Variants in HAL observed in about 807,000 individuals in gnomAD.
HAL encodes the protein histidine ammonia-lyase.
A neutral mutation model predicts 81.1 loss-of-function variants in HAL; 85 were observed. That is an observed-to-expected ratio of 1.05 (90% CI 0.88 to 1.25). The LOEUF is 1.25. Among genes scored for constraint, HAL ranks in the 50% most tolerant of loss-of-function variants. The pLI, the probability that HAL is intolerant of heterozygous loss-of-function variation, is 0.00. For missense variants in HAL, 798 were observed against 836.6 expected, an observed-to-expected ratio of 0.95 and a Z score of 0.57; for synonymous variants, 301 against 309.2, an observed-to-expected ratio of 0.97 and a Z score of 0.28.
At chr12:95,995,130 T>A in intron 2 of HAL, 137 bp from the exon 3 acceptor site, 2 of 739,376 alleles carry the variant, frequency 2.7e-6, no homozygotes, top group Non-Finnish European at 4.9e-6. Context: ...GATGGTTTCA[T>A]GTGGTCTTAG....
Position 95,973,407 on chromosome 12 carries a change from C to T in HAL, c.*825G>A, listed in dbSNP as rs1191721327. 2 of 151,960 alleles carry T rather than the reference C, an allele frequency of 1.3e-5. No homozygotes were observed. The highest frequency in any genetic ancestry group is 4.8e-5 in the African/African-American group (2 of 41,338). The allele number at this position is 151,960 out of a possible 1,614,324, so 9.4% of individuals were successfully genotyped here. ...ATTACAGAAAGGAGGTTGGTTAATC[C>T]CCAAAGATTCCTTATCTGTGAAATG... On this transcript the variant is annotated 3_prime_UTR_variant, in exon 21 of 21. Coordinates refer to ENST00000261208, the MANE Select transcript of HAL (RefSeq NM_002108.4).
intron 14 of HAL, among the ~76,000 whole-genome samples, chr12:95,984,335 T>G (rs1169789968): frequency 2.0e-5 from 3 of 152,178 alleles, no homozygotes; most frequent in Non-Finnish European, 4.4e-5. Context: ...GGTTTATAGT[T>G]AAAAGATAGG....
intron 15 of HAL, among the ~76,000 whole-genome samples, chr12:95,982,168 C>G (rs1255190252): frequency 6.6e-6 from 1 of 152,192 alleles, no homozygotes; most frequent in Non-Finnish European, 1.5e-5. Context: ...TAGAATTTAA[C>G]TCCCATAATA....
At chr12:95,985,359 T>A (rs940718199) in intron 14 of HAL, among the ~76,000 whole-genome samples, 1 of 152,074 alleles carries the variant, frequency 6.6e-6, no homozygotes, top group Non-Finnish European at 1.5e-5. Flanking sequence ...TTTGGGAGGC[T>A]GAGGCAGGTG....
chr12:95,986,226 T>C (rs754219859), intron 12 of HAL, 66 bp from the exon 13 acceptor site: 11 of 933,654 alleles, frequency 1.2e-5, no homozygotes, highest in East Asian at 2.5e-5. Flanking sequence ...AAGATGGGGG[T>C]CTCACTACGT....
intron 2 of HAL, 195 bp from the exon 3 acceptor site, chr12:95,995,188 G>T (rs1488628668): frequency 9.4e-6 from 6 of 641,528 alleles, no homozygotes; most frequent in African/African-American, 7.2e-5. Flanking sequence ...AGGTGTCAGG[G>T]CAGAGACCAG....
chr12:95,995,951 G>A lies in HAL; in HGVS notation c.-41C>T, dbSNP rs1950031515. On this transcript the variant is annotated 5_prime_UTR_variant, in exon 2 of 21. Coordinates refer to ENST00000261208, the MANE Select transcript of HAL (RefSeq NM_002108.4). ...TGAGGTCCTCAGCTGGTCACAGGAGGGGAGAGCTTTATGCAGGAGTGGCTA... is the reference window on the plus strand; with the variant it reads ...TGAGGTCCTCAGCTGGTCACAGGAGAGGAGAGCTTTATGCAGGAGTGGCTA... The A allele has an allele frequency of 1.3e-6, 2 of 1,597,742 alleles. No individual in the cohort carries two copies. Among genetic ancestry groups the A allele is most frequent in the Non-Finnish European group, 1.7e-6 (2 of 1,178,790 alleles).
intron 2 of HAL, chr12:95,995,209 G>A (rs149289798): frequency 8.1e-6 from 5 of 613,520 alleles, no homozygotes; most frequent in Non-Finnish European, 1.4e-5. Flanking sequence ...GGGTTTAGAT[G>A]AAAGTTCAAG....
Position 95,978,939 on chromosome 12 carries a change from C to T in HAL, c.1520-861G>A, listed in dbSNP as rs1038137955. Among the ~76,000 whole-genome samples the T allele has an allele frequency of 2.0e-5, 3 of 152,136 alleles. No homozygotes were observed. In the South Asian group the frequency reaches 6.2e-4, roughly 31 times the overall value. On this transcript the variant is annotated intron_variant, in intron 17 of 20. Transcript: ENST00000261208. ...CTCGCTTTAAACTAGGGTCATGCTA[C>T]TTTGTCAAGGTCATGTTGGTTGGCC...
chr12:95,990,350 A>C (rs749401476), intron 10 of HAL, 43 bp downstream of exon 10: 41 of 1,572,786 alleles, frequency 2.6e-5, no homozygotes, highest in Non-Finnish European at 3.3e-5. Context: ...TTGGTGTCCA[A>C]CCTGGGGCAA....
chr12:95,977,383 A>AT (rs1366415521), intron 18 of HAL, among the ~76,000 whole-genome samples: 4 of 135,712 alleles, frequency 2.9e-5, no homozygotes, highest in African/African-American at 7.8e-5. Flanking sequence ...TAAAAGTCTC[A>AT]TTAAAAAAAA....
chr12:95,982,174 T>A (rs555855618), intron 15 of HAL, among the ~76,000 whole-genome samples: 5 of 152,336 alleles, frequency 3.3e-5, no homozygotes, highest in African/African-American at 9.6e-5. Context: ...TTAACTCCCA[T>A]AATATCCAGC....
intron 11 of HAL, among the ~76,000 whole-genome samples, chr12:95,987,835 G>T (rs1019497744): frequency 3.3e-5 from 5 of 151,038 alleles, no homozygotes; most frequent in African/African-American, 7.3e-5. Flanking sequence ...TAGCCTCCAG[G>T]GTAGCTGGGA....
At chr12:95,990,257 G>T in intron 10 of HAL, 136 bp downstream of exon 10, 1 of 784,240 alleles carries the variant, frequency 1.3e-6, no homozygotes, top group Non-Finnish European at 2.3e-6. Context: ...AGCTTTCGCT[G>T]TCTCATCTGT....
chr12:95,980,908 T>C, intron 15 of HAL, 45 bp from the exon 16 acceptor site: 1 of 1,097,862 alleles, frequency 9.1e-7, no homozygotes, highest in Non-Finnish European at 1.4e-6. Flanking sequence ...TGCTGGTCAC[T>C]TCAAGTACAA....
intron 14 of HAL, among the ~76,000 whole-genome samples, chr12:95,985,488 G>A (rs11108363): frequency 6.6e-6 from 1 of 152,152 alleles, no homozygotes; most frequent in East Asian, 1.9e-4. Flanking sequence ...TACTCGGGAG[G>A]TTGAGGCAGG....
At chr12:95,982,465 A>G (rs2080805969) in intron 15 of HAL, among the ~76,000 whole-genome samples, 1 of 152,234 alleles carries the variant, frequency 6.6e-6, no homozygotes, top group Non-Finnish European at 1.5e-5. Context: ...GCAATGATGT[A>G]AATGTAGAAT....
intron 9 of HAL, 68 bp from the exon 10 acceptor site, chr12:95,990,600 A>G: frequency 7.3e-7 from 1 of 1,362,316 alleles, no homozygotes; most frequent in Non-Finnish European, 1.1e-6. Context: ...TTTGCCAGTG[A>G]GTGCCCCCAC....
Position 95,987,105 on chromosome 12 carries a change from A to G in HAL, c.1013T>C (p.Leu338Pro), listed in dbSNP as rs766307661. Residue 338 changes from leucine (L) to proline (P), a missense_variant, in exon 12 of 21, where the codon CTT (leucine) becomes CCT (proline). Physicochemically the swap from Leu to Pro is moderately conservative, Grantham distance 98. Coordinates refer to ENST00000261208, the MANE Select transcript of HAL (RefSeq NM_002108.4). ...RQADIVAALTLEVLKGTTKAF... is the reference protein window; with the variant it reads ...RQADIVAALTPEVLKGTTKAF... ...TTTGGTGGTGCCCTTCAGCACCTCA[A>G]GGGTCAGGGCTGCCACAATGTCAGC... 6.8e-6 allele frequency: 11 copies of G among 1,613,442 alleles called. No homozygotes were observed. In the East Asian group the frequency reaches 2.2e-4, roughly 33 times the overall value.
Sources: gnomAD v4.1 joint callset for allele counts (sites outside exome capture counted in the v4.1 genomes callset) on GRCh38, gnomAD v4.1.1 for gene constraint, MANE v1.5 for transcripts, NCBI Gene and HGNC (gene_info 2026-07-23, HGNC 2026-07-21) for gene names.